Variants in PPP6R2 observed in about 807,000 individuals in gnomAD.
PPP6R2 encodes protein phosphatase 6 regulatory subunit 2.
PPP6R2 carries 62 observed loss-of-function variants against 100.2 expected under a neutral mutation model. That is an observed-to-expected ratio of 0.62 (90% confidence interval 0.50 to 0.76). PPP6R2 has a LOEUF of 0.76. Ranked by LOEUF, PPP6R2 falls within the 30% of genes least tolerant of loss-of-function variation. PPP6R2 has a pLI of 0.00. For missense variants in PPP6R2, 1,142 were observed against 1,276.3 expected, an observed-to-expected ratio of 0.89 and a Z score of 1.60; for synonymous variants, 525 against 514.7, an observed-to-expected ratio of 1.02 and a Z score of -0.27.
At chr22:50,434,859 T>A in intron 12 of PPP6R2, 107 bp from the exon 13 acceptor site, 1 of 991,852 alleles carries the variant, frequency 1.0e-6, no homozygotes, top group Non-Finnish European at 1.5e-6. Context: ...GGCCGGGCAC[T>A]TGCTCTCCGA....
intron 1 of PPP6R2, among the ~76,000 whole-genome samples, chr22:50,363,602 C>T (rs1392822069): frequency 6.6e-6 from 1 of 152,208 alleles, no homozygotes; most frequent in Non-Finnish European, 1.5e-5. Flanking sequence ...AGCTGGCAAC[C>T]TGCAGAATGG....
At chr22:50,432,218 C>A in intron 11 of PPP6R2, 47 bp from the exon 12 acceptor site, 1 of 1,507,340 alleles carries the variant, frequency 6.6e-7, no homozygotes, top group Non-Finnish European at 9.0e-7. Flanking sequence ...GGGGTGCGTG[C>A]CGCCTTCAGA....
intron 8 of PPP6R2, among the ~76,000 whole-genome samples, 177 bp downstream of exon 8, chr22:50,419,639 T>G (rs1254180940): frequency 1.3e-5 from 2 of 152,224 alleles, no homozygotes; most frequent in Non-Finnish European, 2.9e-5. Context: ...CCAAGTCCCC[T>G]TAGACCCTCA....
At chr22:50,417,424 T>C (rs2060690317) in intron 6 of PPP6R2, among the ~76,000 whole-genome samples, 1 of 152,126 alleles carries the variant, frequency 6.6e-6, no homozygotes, top group South Asian at 2.1e-4. Context: ...CCACCCACCC[T>C]GGAAGCACCT....
chr22:50,384,042 A>G (rs2053679357), intron 2 of PPP6R2, among the ~76,000 whole-genome samples: 1 of 151,580 alleles, frequency 6.6e-6, no homozygotes, highest in Admixed American at 6.6e-5. Context: ...TCTCAAAAAA[A>G]AAAAAAAAAA....
At position 50,394,011 on chromosome 22, in the gene PPP6R2, C is replaced by T; in HGVS notation, c.103C>T (p.Gln35Ter). 4.3e-6 allele frequency: 7 copies of T among 1,614,212 alleles called. No individual in the cohort carries two copies. Among genetic ancestry groups the T allele is most frequent in the Non-Finnish European group, 5.9e-6 (7 of 1,180,046 alleles). The change falls in exon 3 of 24, where the codon CAG becomes TAG. Residue 35 changes from glutamine to a stop codon, truncating the protein, a stop_gained. Coordinates refer to ENST00000612753, the MANE Select transcript of PPP6R2 (RefSeq NM_001242898.2). LOFTEE classifies it high-confidence loss of function. The part of the protein sequence containing the change: ...QELMDEDDIL[Q>*]ECKAQNQKLL... Reference sequence around the variant, plus strand: ...GTTAATGGATGAAGATGACATCTTGCAGGAGTGTAAGGCTCAGAACCAGAA... The same window carrying T: ...GTTAATGGATGAAGATGACATCTTGTAGGAGTGTAAGGCTCAGAACCAGAA...
Position 50,433,240 on chromosome 22 carries a change from G to A in PPP6R2, c.1400+911G>A, listed in dbSNP as rs1200243778. On this transcript the variant is annotated intron_variant, in intron 12 of 23. Transcript: ENST00000612753. ...CTGGAGGAGGGCAGGGGGCGCGGAC[G>A]CTGGGCAGGGGCCGGGCATTTGCTC... 6.2e-4 allele frequency among the ~76,000 whole-genome samples: 92 copies of A among 148,280 alleles called. 1 individual carries two copies. Among genetic ancestry groups the A allele is most frequent in the African/African-American group, 1.9e-3 (76 of 39,764 alleles).
upstream of PPP6R2, among the ~76,000 whole-genome samples, chr22:50,339,891 GGT>G (rs1345200917): frequency 1.8e-4 from 16 of 89,894 alleles, no homozygotes; most frequent in South Asian, 1.3e-3. Flanking sequence ...GTGTGTGTGG[GGT>G]GTGTGGTGTG....
intron 2 of PPP6R2, among the ~76,000 whole-genome samples, chr22:50,382,401 AG>A (rs1459320181): frequency 5.3e-5 from 8 of 152,012 alleles, no homozygotes; most frequent in Admixed American, 5.2e-4. Context: ...GTTCGAGACC[AG>A]CCTGACTAAC....
intron 13 of PPP6R2, 28 bp downstream of exon 13, chr22:50,435,109 G>A (rs752900520): frequency 9.4e-6 from 14 of 1,484,564 alleles, no homozygotes; most frequent in Non-Finnish European, 1.1e-5. Context: ...TCATCCTTCT[G>A]CTGGTCGCGG....
At chr22:50,369,905 ATTTT>A (rs1353992863) in intron 1 of PPP6R2, among the ~76,000 whole-genome samples, 1 of 123,638 alleles carries the variant, frequency 8.1e-6, no homozygotes. Flanking sequence ...CAGCTAAGTA[ATTTT>A]TTTTTTTTTT....
At chr22:50,346,073 G>T (rs150483420) in intron 1 of PPP6R2, among the ~76,000 whole-genome samples, 132 of 3,710 alleles carry the variant, frequency 0.036, 11 homozygotes, top group African/African-American at 0.1. Flanking sequence ...GACCCACCCA[G>T]TCAGTGCCCC....
chr22:50,395,475 G>A (rs1021464905), intron 3 of PPP6R2, among the ~76,000 whole-genome samples: 1 of 152,172 alleles, frequency 6.6e-6, no homozygotes, highest in Non-Finnish European at 1.5e-5. Context: ...TTAGGAAGTG[G>A]GAGATACATA....
chr22:50,414,499 C>G lies in PPP6R2; in HGVS notation c.415-53C>G, dbSNP rs1472243493. The stretch of plus-strand genomic sequence containing the variant: ...CCATGAGAGTTTTTGGAGGAGGTGT[C>G]TCAGGGTTGTCAGGGTCGGCCCCGC... On this transcript the variant is annotated intron_variant, in intron 4 of 23. Coordinates refer to ENST00000612753, the MANE Select transcript of PPP6R2 (RefSeq NM_001242898.2). The G allele has an allele frequency of 2.5e-6, 4 of 1,596,360 alleles. No individual in the cohort carries two copies. In the African/African-American group the frequency reaches 5.4e-5, roughly 21 times the overall value.
At chr22:50,407,934 G>A (rs2059204407) in intron 4 of PPP6R2, among the ~76,000 whole-genome samples, 1 of 152,186 alleles carries the variant, frequency 6.6e-6, no homozygotes, top group Non-Finnish European at 1.5e-5. Context: ...CCAGGCTAGA[G>A]TCCACTGGCT....
chr22:50,428,035 A>T (rs1484285467), intron 10 of PPP6R2, among the ~76,000 whole-genome samples: 1 of 151,222 alleles, frequency 6.6e-6, no homozygotes, highest in Non-Finnish European at 1.5e-5. Context: ...TTATATTTTT[A>T]GTAGAAATGG....
At chr22:50,370,805 T>C (rs2050030200) in intron 1 of PPP6R2, among the ~76,000 whole-genome samples, 1 of 151,710 alleles carries the variant, frequency 6.6e-6, no homozygotes, top group Non-Finnish European at 1.5e-5. Flanking sequence ...CGCTAGTTTT[T>C]GTATTTTTAG....
chr22:50,435,946 C>CTGCT (rs1569489403), intron 13 of PPP6R2, among the ~76,000 whole-genome samples: 1 of 152,200 alleles, frequency 6.6e-6, no homozygotes, highest in Non-Finnish European at 1.5e-5. Context: ...GCAGGACACG[C>CTGCT]GCCCAGGCCT....
rs1051869347 is a variant in PPP6R2 at position 50,396,215 on chromosome 22, A to T, written c.227+2080A>T. Among the ~76,000 whole-genome samples, 40 of 135,572 alleles carry T rather than the reference A, an allele frequency of 3.0e-4. 1 individual carries two copies. The highest frequency in any genetic ancestry group is 2.9e-3 in the Admixed American group (37 of 12,868). The allele number at this position is 135,572 out of a possible 152,430, so 88.9% of individuals were successfully genotyped here. Reference sequence around the variant, plus strand: ...TGGCTCAAAAAAAAAAAAAAAAAAAAGCCGGGTGTGGTGGCTCACACCTGT... The same window carrying T: ...TGGCTCAAAAAAAAAAAAAAAAAAATGCCGGGTGTGGTGGCTCACACCTGT... On this transcript the variant is annotated intron_variant, in intron 3 of 23. Transcript: ENST00000612753.
Sources: allele counts gnomAD v4.1 joint callset (sites outside exome capture counted in the v4.1 genomes callset), GRCh38; gene constraint gnomAD v4.1.1; transcripts MANE v1.5; gene names NCBI Gene and HGNC (gene_info 2026-07-23, HGNC 2026-07-21).